Variants in SYTL5 observed in about 807,000 individuals in gnomAD.
SYTL5 encodes the protein synaptotagmin-like protein 5.
SYTL5 carries 34 observed loss-of-function variants against 55.9 expected under a neutral mutation model. That is an observed-to-expected ratio of 0.61 (90% CI 0.46 to 0.81). SYTL5 has a LOEUF of 0.81. Ranked by LOEUF, SYTL5 falls within the 30% of genes least tolerant of loss-of-function variation. The pLI is 0.00. For missense variants in SYTL5, 637 were observed against 546.7 expected (o/e 1.17, Z -1.65); for synonymous variants, 221 against 188.7 (o/e 1.17, Z -1.40).
chrX:37,889,047 CTT>C, the SYTL5 span, among the ~76,000 whole-genome samples: 1 of 111,752 alleles, frequency 8.9e-6, no homozygotes, highest in Admixed American at 9.5e-5. Flanking sequence ...AGAAGAGAAA[CTT>C]TGCTGCTTCC....
chrX:37,895,977 C>G, the SYTL5 span, among the ~76,000 whole-genome samples: 4 of 112,190 alleles, frequency 3.6e-5, no homozygotes, highest in Non-Finnish European at 5.6e-5. Context: ...TATGCTCCCT[C>G]TAGGAGAGGC....
intron 13 of SYTL5, among the ~76,000 whole-genome samples, chrX:38,115,261 G>C (rs973316346): frequency 9.7e-6 from 1 of 102,838 alleles, no homozygotes; most frequent in African/African-American, 3.9e-5. Flanking sequence ...GAGGCGGGCG[G>C]ATCACGAGGT....
the SYTL5 span, among the ~76,000 whole-genome samples, chrX:37,915,832 C>G: frequency 9.0e-6 from 1 of 110,617 alleles, no homozygotes; most frequent in Non-Finnish European, 1.9e-5. Flanking sequence ...GAGAAACTTG[C>G]TCTAAGCAAA....
intron 3 of SYTL5, among the ~76,000 whole-genome samples, chrX:38,070,397 A>T (rs1936226205): frequency 9.1e-6 from 1 of 109,765 alleles, no homozygotes; most frequent in Non-Finnish European, 1.9e-5. Flanking sequence ...ACTGATTCTC[A>T]TTCTCAGTGG....
chrX:37,987,366 T>G, the SYTL5 span, among the ~76,000 whole-genome samples: 1 of 112,144 alleles, frequency 8.9e-6, no homozygotes, highest in Admixed American at 9.5e-5. Context: ...AAAGAATTAT[T>G]CAGTCCAAAA....
chrX:38,071,332 G>A (rs1304684234), intron 3 of SYTL5, among the ~76,000 whole-genome samples: 2 of 111,379 alleles, frequency 1.8e-5, no homozygotes, highest in East Asian at 5.6e-4. Flanking sequence ...GACTATTCAA[G>A]GATCCTTCTT....
the SYTL5 span, among the ~76,000 whole-genome samples, chrX:37,893,547 C>A: frequency 1.3e-3 from 111 of 84,020 alleles, no homozygotes; most frequent in Non-Finnish European, 2.1e-3. Flanking sequence ...AATATATAAT[C>A]TATAGATTAT....
the SYTL5 span, among the ~76,000 whole-genome samples, chrX:37,985,182 A>G: frequency 2.7e-5 from 3 of 111,858 alleles, no homozygotes; most frequent in Non-Finnish European, 5.7e-5. Flanking sequence ...AAGAAGTAAA[A>G]TTAACTCTAT....
chrX:37,915,417 A>G, the SYTL5 span, among the ~76,000 whole-genome samples: 1 of 111,436 alleles, frequency 9.0e-6, no homozygotes, highest in Non-Finnish European at 1.9e-5. Context: ...ATAAACTCAA[A>G]CTCACTGGAT....
chrX:37,912,344 G>A, the SYTL5 span, among the ~76,000 whole-genome samples: 4 of 112,155 alleles, frequency 3.6e-5, no homozygotes, highest in East Asian at 1.1e-3. Context: ...GATCTGAACT[G>A]TATAATTAAT....
chrX:38,077,613 C>T (rs1192368227), intron 6 of SYTL5, among the ~76,000 whole-genome samples: 3 of 110,543 alleles, frequency 2.7e-5, no homozygotes, highest in Non-Finnish European at 5.7e-5. Context: ...TTTCTTTTGT[C>T]CCTATAACAG....
At chrX:37,963,491 T>C in the SYTL5 span, among the ~76,000 whole-genome samples, 5 of 111,416 alleles carry the variant, frequency 4.5e-5, no homozygotes, top group Admixed American at 9.5e-5. Context: ...GGTTTCACCA[T>C]GTTGGTCAGG....
chrX:37,990,956 A>G, the SYTL5 span: 3 of 1,212,005 alleles, frequency 2.5e-6, no homozygotes, highest in Non-Finnish European at 3.3e-6. Flanking sequence ...TGCAAGATGA[A>G]CGAGACGTCC....
rs759547562 is a variant in SYTL5 at position 38,094,254 on chromosome X, C to T, written c.832-41C>T. On this transcript the variant is annotated intron_variant, in intron 7 of 16. Transcript: ENST00000297875. Reference sequence around the variant, plus strand: ...TGTAGATGAATTTTATAGTAAATTACAGTCAGTATAATTTTTTTCTCATTT... The same window carrying T: ...TGTAGATGAATTTTATAGTAAATTATAGTCAGTATAATTTTTTTCTCATTT... 5 of 1,116,845 alleles carry T rather than the reference C, an allele frequency of 4.5e-6. No individual in the cohort carries two copies. The Admixed American group carries it at 1.1e-4, about 25-fold the overall frequency. The allele number at this position is 1,116,845 out of a possible 1,213,427, so 92.0% of individuals were successfully genotyped here. A position where few individuals can be genotyped will look rare whatever the true frequency, so the allele number is the denominator to read the frequency against.
chrX:37,890,050 TA>T, the SYTL5 span, among the ~76,000 whole-genome samples: 1 of 111,226 alleles, frequency 9.0e-6, no homozygotes, highest in African/African-American at 3.3e-5. Context: ...GGCTGGAAGG[TA>T]ACAAAAGCCC....
upstream of SYTL5, among the ~76,000 whole-genome samples, chrX:38,004,569 T>C (rs1229520417): frequency 8.9e-6 from 1 of 111,967 alleles, no homozygotes; most frequent in Non-Finnish European, 1.9e-5. Context: ...GTGGTACATA[T>C]ACACAATAGA....
chrX:38,109,229 A>G (rs909726839), intron 12 of SYTL5, among the ~76,000 whole-genome samples: 4 of 112,322 alleles, frequency 3.6e-5, no homozygotes, highest in Non-Finnish European at 7.5e-5. Context: ...ATATGGCCCA[A>G]TCCAGGTCAA....
chrX:38,039,090 A>G (rs1935203202), intron 2 of SYTL5, among the ~76,000 whole-genome samples: 1 of 111,844 alleles, frequency 8.9e-6, no homozygotes, highest in Non-Finnish European at 1.9e-5. Context: ...ACCTCCAGGC[A>G]TAAATCATCA....
chrX:37,959,111 T>C, the SYTL5 span, among the ~76,000 whole-genome samples: 1 of 111,537 alleles, frequency 9.0e-6, no homozygotes, highest in Non-Finnish European at 1.9e-5. Context: ...TTGTGGGTAG[T>C]CCTTCCCCTG....
Sources: gnomAD v4.1 joint callset for allele counts (sites outside exome capture counted in the v4.1 genomes callset) on GRCh38, gnomAD v4.1.1 for gene constraint, MANE v1.5 for transcripts, NCBI Gene and HGNC (gene_info 2026-07-23, HGNC 2026-07-21) for gene names.